Variants in ABHD12B observed in about 807,000 individuals in gnomAD.
The protein encoded by ABHD12B is abhydrolase domain containing 12B.
ABHD12B carries 42 observed loss-of-function variants against 50.4 expected under a neutral mutation model. The observed-to-expected ratio is 0.83, with a 90% CI of 0.65 to 1.08. The LOEUF is 1.08. ABHD12B is among the 50% of genes least tolerant of loss of function. The probability of loss-of-function intolerance (pLI) is 0.00; values close to 1 mark genes in which losing one functional copy is unlikely to be tolerated. For missense variants in ABHD12B, 479 were observed against 447.7 expected (o/e 1.07, Z -0.63); for synonymous variants, 167 against 160.3 (o/e 1.04, Z -0.32).
chr14:50,883,951 C>CTA (rs34906531), intron 5 of ABHD12B, among the ~76,000 whole-genome samples: 147,293 of 152,300 alleles, frequency 0.97, 71,422 homozygotes, highest in East Asian at 1. Context: ...GCTTTTGTTA[C>CTA]TATGATTGTA....
At chr14:50,896,055 G>A (rs550875510) in intron 9 of ABHD12B, among the ~76,000 whole-genome samples, 13 of 149,970 alleles carry the variant, frequency 8.7e-5, no homozygotes, top group African/African-American at 2.9e-4. Flanking sequence ...TGTATCCCCC[G>A]ACCTTAACCC....
At position 50,894,851 on chromosome 14, in the gene ABHD12B, C is replaced by G. The variant is rs1001355497; in HGVS notation, c.780+5948C>G. 4.0e-5 allele frequency among the ~76,000 whole-genome samples: 6 copies of G among 148,296 alleles called. 1 individual carries two copies. Among genetic ancestry groups the G allele is most frequent in the Non-Finnish European group, 8.8e-5 (6 of 67,996 alleles). On this transcript the variant is annotated intron_variant, in intron 9 of 12. Transcript: ENST00000337334. ...TTCTACAGACCCGTCTGACCTCTCC[C>G]CTCCTCGCCAGGCCGAGCTAGGCCT...
intron 9 of ABHD12B, among the ~76,000 whole-genome samples, chr14:50,896,897 G>T (rs2142765438): frequency 6.6e-6 from 1 of 152,158 alleles, no homozygotes; most frequent in East Asian, 1.9e-4. Flanking sequence ...TTTGTCTATT[G>T]TTACTGGTTT....
Position 50,885,797 on chromosome 14 carries a change from G to T in ABHD12B, c.564G>T (p.Glu188Asp). 1 of 1,614,212 alleles carries T rather than the reference G, an allele frequency of 6.2e-7. No individual in the cohort carries two copies. The highest frequency in any genetic ancestry group is 1.1e-5 in the South Asian group (1 of 91,076). ...GFGDSTGKPT[E>D]EGLTTDAICV... ...GGGACTCTACAGGTAAGCCCACAGA[G>T]GAGGGACTGACTACGGATGCCATTT... The change falls in exon 7 of 13, where the codon GAG (glutamate) becomes GAT (aspartate). Residue 188 changes from glutamate to aspartate, a missense_variant. Transcript: ENST00000337334.
intron 1 of ABHD12B, among the ~76,000 whole-genome samples, chr14:50,873,224 T>C (rs560967570): frequency 4.6e-4 from 69 of 148,828 alleles, no homozygotes; most frequent in South Asian, 6.3e-4. Flanking sequence ...CTCTCTCTCT[T>C]TTTTTTTTCT....
At chr14:50,890,802 C>A (rs150059617) in intron 9 of ABHD12B, among the ~76,000 whole-genome samples, 1 of 152,220 alleles carries the variant, frequency 6.6e-6, no homozygotes. Flanking sequence ...TAAACATGTA[C>A]AAGAATTTCA....
intron 7 of ABHD12B, 109 bp downstream of exon 7, chr14:50,886,004 CTT>C (rs2142741818): frequency 2.7e-6 from 4 of 1,470,494 alleles, no homozygotes; most frequent in African/African-American, 2.8e-5. Flanking sequence ...GACAGGGACT[CTT>C]TGCTGATCAT....
At position 50,904,789 on chromosome 14, in the gene ABHD12B, G is replaced by T; in HGVS notation, c.*423G>T. On this transcript the variant is annotated 3_prime_UTR_variant, in exon 13 of 13. Transcript: ENST00000337334. ...CTGAGCTCTGATGAATGAGATTAGT[G>T]CCCTTATAAATTATGACCAAAAGAG... 3.9e-6 allele frequency: 1 copy of T among 253,486 alleles called. No individual in the cohort carries two copies. The allele number at this position is 253,486 out of a possible 1,614,324, so 15.7% of individuals were successfully genotyped here.
At chr14:50,874,610 A>AAG (rs1415197510) in intron 1 of ABHD12B, among the ~76,000 whole-genome samples, 1 of 149,224 alleles carries the variant, frequency 6.7e-6, no homozygotes, top group Non-Finnish European at 1.5e-5. Context: ...AAAAAAAAAT[A>AAG]ATAATAAAAA....
chr14:50,881,450 C>A, intron 4 of ABHD12B, 146 bp from the exon 5 acceptor site: 1 of 747,448 alleles, frequency 1.3e-6, no homozygotes. Flanking sequence ...TTTTACATTT[C>A]CCCTTCTCCT....
In ABHD12B at chr14:50,872,207, G is replaced by A; in HGVS notation, c.33G>A (p.Ser11=). The A allele has an allele frequency of 7.3e-7, 1 of 1,374,552 alleles. No individual in the cohort carries two copies. Among genetic ancestry groups the A allele is most frequent in the Non-Finnish European group, 9.4e-7 (1 of 1,062,222 alleles). The allele number at this position is 1,374,552 out of a possible 1,614,324, so 85.1% of individuals were successfully genotyped here. A position where few individuals can be genotyped will look rare whatever the true frequency, so the allele number is the denominator to read the frequency against. The part of the protein sequence containing the change: MDAQDCQAAA[S]PEPPGPPARS... ...CGCAGGACTGCCAGGCGGCCGCATC[G>A]CCCGAGCCGCCCGGGCCCCCAGCCC... Residue 11 remains serine, a synonymous_variant, in exon 1 of 13, where the codon TCG becomes TCA. Transcript: ENST00000337334.
chr14:50,903,110 G>GA (rs1184665595), intron 10 of ABHD12B, among the ~76,000 whole-genome samples: 3 of 141,584 alleles, frequency 2.1e-5, no homozygotes, highest in African/African-American at 7.9e-5. Context: ...AGTGTTTTTT[G>GA]TTTTTTTTTT....
At chr14:50,873,817 T>C (rs914619568) in intron 1 of ABHD12B, among the ~76,000 whole-genome samples, 1 of 152,204 alleles carries the variant, frequency 6.6e-6, no homozygotes, top group Non-Finnish European at 1.5e-5. Flanking sequence ...AAGTTGCACA[T>C]CATACTCATA....
chr14:50,899,212 A>T (rs2050234722), intron 9 of ABHD12B, among the ~76,000 whole-genome samples: 1 of 152,122 alleles, frequency 6.6e-6, no homozygotes, highest in African/African-American at 2.4e-5. Context: ...AAACAAAATA[A>T]AACCAAAAAC....
chr14:50,881,227 T>C (rs534477330), intron 4 of ABHD12B, among the ~76,000 whole-genome samples: 61 of 152,286 alleles, frequency 4.0e-4, no homozygotes, highest in African/African-American at 1.4e-3. Flanking sequence ...ACTGTGCCCC[T>C]GAAGCTTGGG....
At chr14:50,881,354 C>T (rs1596003705) in intron 4 of ABHD12B, among the ~76,000 whole-genome samples, 2 of 152,106 alleles carry the variant, frequency 1.3e-5, no homozygotes, top group South Asian at 4.2e-4. Flanking sequence ...TCTCAAGACT[C>T]GCCTTTTCTC....
At chr14:50,897,071 G>GTTT (rs546998445) in intron 9 of ABHD12B, among the ~76,000 whole-genome samples, 6 of 128,034 alleles carry the variant, frequency 4.7e-5, no homozygotes, top group Non-Finnish European at 9.8e-5. Context: ...ATTTAGTTTA[G>GTTT]TTTTTTTTTT....
intron 5 of ABHD12B, among the ~76,000 whole-genome samples, chr14:50,881,852 A>G (rs1395847269): frequency 6.6e-6 from 1 of 152,168 alleles, no homozygotes; most frequent in East Asian, 1.9e-4. Context: ...CGTGAACTTA[A>G]TAACCTCATT....
At chr14:50,887,078 G>C (rs2050050643) in intron 8 of ABHD12B, among the ~76,000 whole-genome samples, 1 of 152,002 alleles carries the variant, frequency 6.6e-6, no homozygotes, top group Admixed American at 6.6e-5. Flanking sequence ...GCCAGGCACA[G>C]TGGTGGGTGC....
Sources: allele counts gnomAD v4.1 joint callset (sites outside exome capture counted in the v4.1 genomes callset), GRCh38; gene constraint gnomAD v4.1.1; transcripts MANE v1.5; gene names NCBI Gene and HGNC (gene_info 2026-07-23, HGNC 2026-07-21).